The following THRB variants were observed in gnomAD, a reference collection of about 807,000 sequenced individuals.
The protein encoded by THRB is nuclear receptor subfamily 1 group A member 2.
Under a neutral mutation model 47.8 loss-of-function variants are expected in THRB, and 12 were observed. The ratio of observed to expected loss-of-function variants is 0.25; its 90% CI spans 0.16 to 0.41. The LOEUF (loss-of-function observed/expected upper bound fraction) is 0.41, where lower values mean the gene tolerates loss of function less well. THRB is among the 10% of genes least tolerant of loss of function. The pLI, the probability that THRB is intolerant of heterozygous loss-of-function variation, is 1.00. For missense variants in THRB, 348 were observed against 589.2 expected (o/e 0.59, Z 4.24); for synonymous variants, 218 against 212.2 (o/e 1.03, Z -0.24).
intron 5 of THRB, among the ~76,000 whole-genome samples, chr3:24,175,785 G>T (rs564350209): frequency 2.0e-5 from 3 of 152,098 alleles, no homozygotes; most frequent in Admixed American, 6.5e-5. Context: ...ATAATGATGA[G>T]GTCTATTGCA....
chr3:24,218,743 T>G (rs1165401584), intron 4 of THRB, among the ~76,000 whole-genome samples: 2 of 152,136 alleles, frequency 1.3e-5, no homozygotes, highest in Admixed American at 6.5e-5. Flanking sequence ...AAGTTCAGCA[T>G]TTTCAGCATT....
At chr3:24,451,454 C>G (rs944654128) in intron 1 of THRB, among the ~76,000 whole-genome samples, 1 of 152,076 alleles carries the variant, frequency 6.6e-6, no homozygotes, top group Non-Finnish European at 1.5e-5. Flanking sequence ...CCAAGCTGGT[C>G]TTACATTCCT....
intron 1 of THRB, among the ~76,000 whole-genome samples, chr3:24,438,319 A>G (rs1447883524): frequency 6.6e-6 from 1 of 152,088 alleles, no homozygotes; most frequent in Non-Finnish European, 1.5e-5. Context: ...AAAGACATCT[A>G]GAGAGAAGAA....
chr3:24,452,313 G>A (rs537727545), intron 1 of THRB, among the ~76,000 whole-genome samples: 2 of 152,128 alleles, frequency 1.3e-5, no homozygotes, highest in South Asian at 2.1e-4. Context: ...ACCCCCTTCC[G>A]TTTGGTGCCC....
At chr3:24,149,748 A>G (rs2036633658) in intron 6 of THRB, among the ~76,000 whole-genome samples, 1 of 151,988 alleles carries the variant, frequency 6.6e-6, no homozygotes, top group Non-Finnish European at 1.5e-5. Flanking sequence ...ATGATAAGGA[A>G]CCACTTCATT....
chr3:24,280,410 G>A (rs1216918025), intron 3 of THRB, among the ~76,000 whole-genome samples: 1 of 152,048 alleles, frequency 6.6e-6, no homozygotes, highest in Non-Finnish European at 1.5e-5. Flanking sequence ...CAAACAGAAA[G>A]GACATCCACA....
At chr3:24,292,670 A>G (rs1454486859) in intron 3 of THRB, among the ~76,000 whole-genome samples, 1 of 152,234 alleles carries the variant, frequency 6.6e-6, no homozygotes, top group African/African-American at 2.4e-5. Context: ...TGGACTCTCA[A>G]TAAATCTTGT....
chr3:24,350,641 C>G (rs1038856818), intron 1 of THRB, among the ~76,000 whole-genome samples: 2 of 152,142 alleles, frequency 1.3e-5, no homozygotes, highest in Non-Finnish European at 2.9e-5. Flanking sequence ...GGAGTTCAGT[C>G]TCTCCTTTGG....
chr3:24,229,017 A>AT lies in THRB; in HGVS notation c.-42-17_-42-16insA. On this transcript the variant is annotated splice_polypyrimidine_tract_variant and intron_variant, in intron 3 of 10. Transcript: ENST00000646209. ...CTGACATCTCCTACAAGGAAAAAAT[A>AT]CAAAAAAAATCACAGATTATAATCT... 2 of 1,312,066 alleles carry AT rather than the reference A, an allele frequency of 1.5e-6. No individual in the cohort carries two copies. Among genetic ancestry groups the AT allele is most frequent in the Non-Finnish European group, 2.2e-6 (2 of 917,154 alleles). The allele number at this position is 1,312,066 out of a possible 1,614,324, so 81.3% of individuals were successfully genotyped here. A position where few individuals can be genotyped will look rare whatever the true frequency, so the allele number is the denominator to read the frequency against.
At position 24,284,398 on chromosome 3, in the gene THRB, A is replaced by G. The variant is rs2055004702; in HGVS notation, c.-43+12828T>C. Among the ~76,000 whole-genome samples the G allele has an allele frequency of 2.7e-5, 4 of 150,424 alleles. No homozygotes were observed. The South Asian group carries it at 8.3e-4, about 31-fold the overall frequency. On this transcript the variant is annotated intron_variant, in intron 3 of 10. Coordinates refer to ENST00000646209, the MANE Select transcript of THRB (RefSeq NM_001354712.2). Reference sequence around the variant, plus strand: ...GCCATATGTAGAAAGCTGAAACTGGATCCCTTCCTTACACCTTATACAAAA... The same window carrying G: ...GCCATATGTAGAAAGCTGAAACTGGGTCCCTTCCTTACACCTTATACAAAA...
chr3:24,254,199 TAAAAAAAAAAAAAAAAAAAAAAA>T lies in THRB; in HGVS notation c.-42-25221_-42-25199del, dbSNP rs57275069. On this transcript the variant is annotated intron_variant, in intron 3 of 10. Coordinates refer to ENST00000646209, the MANE Select transcript of THRB (RefSeq NM_001354712.2). ...TAACACAGTGAAACCCTGTCTCTAC[TAAAAAAAAAAAAAAAAAAAAAAA>T]AAAAAAAAAAAAAAAAAAAAAAATT... Among the ~76,000 whole-genome samples, 85 of 34,616 alleles carry T rather than the reference TAAAAAAAAAAAAAAAAAAAAAAA, an allele frequency of 2.5e-3. 1 individual carries two copies. Among genetic ancestry groups the T allele is most frequent in the African/African-American group, 7.6e-3 (71 of 9,322 alleles). 22.7% of individuals were successfully genotyped at this position (34,616 alleles called of 152,430 possible).
intron 1 of THRB, among the ~76,000 whole-genome samples, chr3:24,427,549 C>T (rs1560160608): frequency 6.6e-6 from 1 of 151,896 alleles, no homozygotes; most frequent in Non-Finnish European, 1.5e-5. Flanking sequence ...AGAATCCATA[C>T]AAATAAGCAG....
At chr3:24,443,975 T>C (rs1478348372) in intron 1 of THRB, among the ~76,000 whole-genome samples, 1 of 152,198 alleles carries the variant, frequency 6.6e-6, no homozygotes, top group Non-Finnish European at 1.5e-5. Flanking sequence ...TCATGGATGA[T>C]AATTTACCAA....
chr3:24,173,091 T>C (rs191300722), intron 5 of THRB, among the ~76,000 whole-genome samples: 46 of 152,318 alleles, frequency 3.0e-4, no homozygotes, highest in African/African-American at 8.4e-4. Context: ...TGGAACTTCT[T>C]AGAAATGCAA....
At chr3:24,214,241 T>C (rs2046340943) in intron 4 of THRB, among the ~76,000 whole-genome samples, 1 of 152,170 alleles carries the variant, frequency 6.6e-6, no homozygotes, top group Admixed American at 6.5e-5. Context: ...GTTTAGGGCA[T>C]ATAAAATGGC....
intron 1 of THRB, among the ~76,000 whole-genome samples, chr3:24,358,141 TTAGA>T (rs1427876433): frequency 3.3e-5 from 5 of 152,176 alleles, no homozygotes; most frequent in East Asian, 3.9e-4. Context: ...CACTTTACTA[TTAGA>T]TATTGTTTTT....
At chr3:24,161,632 A>ACACG (rs2149243320) in intron 5 of THRB, among the ~76,000 whole-genome samples, 1 of 150,726 alleles carries the variant, frequency 6.6e-6, no homozygotes, top group South Asian at 2.1e-4. Flanking sequence ...ACACACACAC[A>ACACG]CACACACACA....
chr3:24,196,344 AT>A (rs2043954476), intron 4 of THRB, among the ~76,000 whole-genome samples: 1 of 152,088 alleles, frequency 6.6e-6, no homozygotes, highest in African/African-American at 2.4e-5. Context: ...GGCCAAAAAA[AT>A]AAAAATAAAA....
At position 24,399,734 on chromosome 3, in the gene THRB, C is replaced by T. The variant is rs116677494; in HGVS notation, c.-260-62363G>A. On this transcript the variant is annotated intron_variant, in intron 1 of 10. Coordinates refer to ENST00000646209, the MANE Select transcript of THRB (RefSeq NM_001354712.2). ...TATGTCACTTTCTCATTTATAGAAA[C>T]AAACACCCAGAGAAATTAAATGACT... 4.0e-3 allele frequency among the ~76,000 whole-genome samples: 606 copies of T among 152,190 alleles called. 3 individuals are homozygous for T. The highest frequency in any genetic ancestry group is 0.014 in the African/African-American group (569 of 41,556).
Sources: gnomAD v4.1 joint callset for allele counts (sites outside exome capture counted in the v4.1 genomes callset) on GRCh38, gnomAD v4.1.1 for gene constraint, MANE v1.5 for transcripts, NCBI Gene and HGNC (gene_info 2026-07-23, HGNC 2026-07-21) for gene names.